Variants in SETBP1 observed in about 807,000 individuals in gnomAD.
The protein encoded by SETBP1 is SET binding protein 1.
In SETBP1, 9 loss-of-function variants were observed where a neutral mutation model predicts 101.0. The observed-to-expected ratio is 0.09, with a 90% CI of 0.05 to 0.16. The LOEUF is 0.16. Ranked by LOEUF, SETBP1 falls within the 10% of genes least tolerant of loss-of-function variation. The probability of loss-of-function intolerance (pLI) is 1.00; values close to 1 mark genes in which losing one functional copy is unlikely to be tolerated. For synonymous variants in SETBP1, 818 were observed against 788.5 expected (o/e 1.04, Z -0.63); for missense variants, 1,858 against 2,033.8 (o/e 0.91, Z 1.66).
chr18:44,840,877 T>G (rs748415100), intron 2 of SETBP1, among the ~76,000 whole-genome samples: 1 of 152,198 alleles, frequency 6.6e-6, no homozygotes, highest in Non-Finnish European at 1.5e-5. Flanking sequence ...CTGGAATAGG[T>G]CCTGAGTATT....
At position 44,917,664 on chromosome 18, in the gene SETBP1, G is replaced by A. The variant is rs376422109; in HGVS notation, c.541-32217G>A. Among the ~76,000 whole-genome samples the A allele has an allele frequency of 3.9e-5, 6 of 152,226 alleles. No individual in the cohort carries two copies. The South Asian group carries it at 8.3e-4, about 21-fold the overall frequency. The stretch of plus-strand genomic sequence containing the variant: ...TGGAGCTCTGCCTCCTCGAGTTGTT[G>A]ATTTCTGAGTCCTCAGCATTTCCCT... On this transcript the variant is annotated intron_variant, in intron 3 of 5. Coordinates refer to ENST00000649279, the MANE Select transcript of SETBP1 (RefSeq NM_015559.3).
chr18:44,783,656 A>G (rs1328787689), intron 2 of SETBP1, among the ~76,000 whole-genome samples: 1 of 152,182 alleles, frequency 6.6e-6, no homozygotes, highest in Non-Finnish European at 1.5e-5. Flanking sequence ...GTTTCCACAG[A>G]CTTTTGTGTA....
intron 2 of SETBP1, among the ~76,000 whole-genome samples, chr18:44,806,070 T>A (rs912666413): frequency 1.3e-5 from 2 of 152,156 alleles, no homozygotes; most frequent in Non-Finnish European, 2.9e-5. Context: ...CTTCTTGATA[T>A]TTCTGTTATC....
chr18:44,796,424 T>A (rs935770033), intron 2 of SETBP1, among the ~76,000 whole-genome samples: 2 of 152,210 alleles, frequency 1.3e-5, no homozygotes, highest in African/African-American at 2.4e-5. Context: ...CCATCCTCAC[T>A]GAATGCACGT....
intron 4 of SETBP1, among the ~76,000 whole-genome samples, chr18:44,980,317 T>A (rs1599404812): frequency 6.6e-6 from 1 of 152,148 alleles, no homozygotes; most frequent in East Asian, 1.9e-4. Context: ...GATTACAACT[T>A]GCGTCTTGTC....
Position 44,952,469 on chromosome 18 carries a change from C to T in SETBP1, c.3129C>T (p.Pro1043=). 1.8e-5 allele frequency: 29 copies of T among 1,614,120 alleles called. No homozygotes were observed. The highest frequency in any genetic ancestry group is 2.5e-5 in the Non-Finnish European group (29 of 1,180,030). Residue 1043 remains proline (P), a synonymous_variant, in exon 4 of 6, where the codon CCC becomes CCT. Transcript: ENST00000649279. The part of the protein sequence containing the change: ...PFLQGFSYPI[P]SGSYYAPYGM... Reference sequence around the variant, plus strand: ...TACAAGGGTTCAGCTACCCTATTCCCAGTGGAAGTTACTATGCACCCTATG... The same window carrying T: ...TACAAGGGTTCAGCTACCCTATTCCTAGTGGAAGTTACTATGCACCCTATG...
rs191900502 is a variant in SETBP1 at position 45,064,565 on chromosome 18, A to T, written c.*867A>T. ...GTGAAACATACTCAGTATTGATAAA[A>T]CCTTTTTAATAAGTGATGCAGAGCA... On this transcript the variant is annotated 3_prime_UTR_variant, in exon 6 of 6. Transcript: ENST00000649279. The T allele has an allele frequency of 6.6e-6, 1 of 151,956 alleles. No homozygotes were observed. Among genetic ancestry groups the T allele is most frequent in the Non-Finnish European group, 1.5e-5 (1 of 67,956 alleles). 9.4% of individuals were successfully genotyped at this position (151,956 alleles called of 1,614,324 possible).
intron 3 of SETBP1, among the ~76,000 whole-genome samples, chr18:44,930,928 C>T: frequency 6.7e-6 from 1 of 150,086 alleles, no homozygotes; most frequent in African/African-American, 2.4e-5. Context: ...TTTTTTGTGT[C>T]TCTATCTCCT....
intron 2 of SETBP1, among the ~76,000 whole-genome samples, chr18:44,759,951 TC>T (rs1353033895): frequency 6.6e-6 from 1 of 152,168 alleles, no homozygotes; most frequent in African/African-American, 2.4e-5. Flanking sequence ...TCTTTCAAGC[TC>T]CCCAGGTGAT....
chr18:45,041,409 T>G (rs1053638906), intron 5 of SETBP1, among the ~76,000 whole-genome samples: 5 of 152,200 alleles, frequency 3.3e-5, no homozygotes, highest in African/African-American at 1.2e-4. Flanking sequence ...CTCACTTGAT[T>G]TTTGTTTTCT....
chr18:44,778,507 T>C (rs1190724716), intron 2 of SETBP1, among the ~76,000 whole-genome samples: 1 of 152,252 alleles, frequency 6.6e-6, no homozygotes, highest in Non-Finnish European at 1.5e-5. Flanking sequence ...TCATCTGATT[T>C]TCTTGATCTC....
At chr18:44,751,360 G>A (rs543213860) in intron 2 of SETBP1, among the ~76,000 whole-genome samples, 88 of 152,302 alleles carry the variant, frequency 5.8e-4, no homozygotes, top group African/African-American at 2.0e-3. Flanking sequence ...GAGAGATAGA[G>A]CAGAGAGCTG....
intron 2 of SETBP1, among the ~76,000 whole-genome samples, chr18:44,858,765 T>C (rs186931161): frequency 3.7e-4 from 56 of 152,290 alleles, no homozygotes; most frequent in Admixed American, 2.2e-3. Flanking sequence ...CTGTGTTGGA[T>C]TTGAAGATGA....
rs376939846 is a variant in SETBP1 at position 45,038,669 on chromosome 18, A to G, written c.4171+14A>G. 5.9e-5 allele frequency: 95 copies of G among 1,613,512 alleles called. No homozygotes were observed. Among genetic ancestry groups the G allele is most frequent in the Admixed American group, 1.0e-4 (6 of 59,984 alleles). On this transcript the variant is annotated intron_variant, in intron 5 of 5. Coordinates refer to ENST00000649279, the MANE Select transcript of SETBP1 (RefSeq NM_015559.3). ...CGTCGGATGCAGGTGAGCACTTTTC[A>G]GATGCTTTGGGTTCACCCCAAGCAA...
chr18:44,895,243 GGGGA>G (rs1405495483), intron 3 of SETBP1, among the ~76,000 whole-genome samples: 1 of 80,076 alleles, frequency 1.2e-5, no homozygotes, highest in Admixed American at 1.2e-4. Flanking sequence ...AGGAAGGGAG[GGGGA>G]GGGAGGGAGG....
intron 3 of SETBP1, among the ~76,000 whole-genome samples, chr18:44,914,614 AATG>A: frequency 6.6e-6 from 1 of 152,148 alleles, no homozygotes; most frequent in East Asian, 1.9e-4. Context: ...TATGTAATCA[AATG>A]ATGGTGGGAG....
intron 5 of SETBP1, among the ~76,000 whole-genome samples, chr18:45,051,688 G>A (rs2073724304): frequency 2.0e-5 from 3 of 152,104 alleles, no homozygotes; most frequent in Admixed American, 2.0e-4. Flanking sequence ...CATCGTTTCA[G>A]TCAATCTTAA....
chr18:44,825,644 C>G (rs1478632169), intron 2 of SETBP1, among the ~76,000 whole-genome samples: 1 of 152,114 alleles, frequency 6.6e-6, no homozygotes, highest in South Asian at 2.1e-4. Context: ...TTCACCTGAC[C>G]TTTGTATTCC....
At position 44,801,601 on chromosome 18, in the gene SETBP1, T is replaced by C. The variant is rs1007210647; in HGVS notation, c.487-67629T>C. On this transcript the variant is annotated intron_variant, in intron 2 of 5. Coordinates refer to ENST00000649279, the MANE Select transcript of SETBP1 (RefSeq NM_015559.3). Reference sequence around the variant, plus strand: ...ATGTGCACAGGTTTGCATATGTGTGTGGATTTGTGTGTGTGTTTCTCAACA... The same window carrying C: ...ATGTGCACAGGTTTGCATATGTGTGCGGATTTGTGTGTGTGTTTCTCAACA... 4.2e-4 allele frequency among the ~76,000 whole-genome samples: 64 copies of C among 152,172 alleles called. 1 individual carries two copies. Among genetic ancestry groups the C allele is most frequent in the African/African-American group, 1.5e-3 (61 of 41,440 alleles).
Sources: gnomAD v4.1 joint callset for allele counts (sites outside exome capture counted in the v4.1 genomes callset) on GRCh38, gnomAD v4.1.1 for gene constraint, MANE v1.5 for transcripts, NCBI Gene and HGNC (gene_info 2026-07-23, HGNC 2026-07-21) for gene names.